The following NUBPL variants were observed in gnomAD, a reference collection of about 807,000 sequenced individuals.
NUBPL encodes the protein NUBP iron-sulfur cluster assembly factor, mitochondrial.
In NUBPL, 31 loss-of-function variants were observed where a neutral mutation model predicts 45.7. That is an observed-to-expected ratio of 0.68 (90% CI 0.51 to 0.92). The LOEUF (loss-of-function observed/expected upper bound fraction) is 0.92, where lower values mean the gene tolerates loss of function less well. Among genes scored for constraint, NUBPL ranks in the 40% least tolerant of loss-of-function variants. The probability of loss-of-function intolerance (pLI) is 0.00; values close to 1 mark genes in which losing one functional copy is unlikely to be tolerated. For synonymous variants in NUBPL, 144 were observed against 140.9 expected (o/e 1.02, Z -0.15); for missense variants, 401 against 398.7 (o/e 1.01, Z -0.05).
At chr14:31,619,228 C>G (rs1394141152) in intron 4 of NUBPL, among the ~76,000 whole-genome samples, 2 of 152,236 alleles carry the variant, frequency 1.3e-5, no homozygotes, top group East Asian at 1.9e-4. Flanking sequence ...TGGGTCTTGA[C>G]TCTTTATCCA....
At chr14:31,825,630 CT>C (rs2040085318) in intron 7 of NUBPL, among the ~76,000 whole-genome samples, 3 of 126,862 alleles carry the variant, frequency 2.4e-5, no homozygotes, top group African/African-American at 3.6e-5. Flanking sequence ...CCTCCTCCTC[CT>C]CCTCCCCTCT....
chr14:31,826,910 A>G (rs2040115231), intron 8 of NUBPL, among the ~76,000 whole-genome samples, 196 bp downstream of exon 8: 1 of 152,238 alleles, frequency 6.6e-6, no homozygotes, highest in Non-Finnish European at 1.5e-5. Context: ...ATCCATAAGA[A>G]TTGTAAAACA....
chr14:31,670,355 A>G lies in NUBPL; in HGVS notation c.383-3000A>G, dbSNP rs145833922. Reference sequence around the variant, plus strand: ...TTTCTCTTCTAAATTTAACTTCCTTATAGAGGCTTGATATCGGACCTTTGT... The same window carrying G: ...TTTCTCTTCTAAATTTAACTTCCTTGTAGAGGCTTGATATCGGACCTTTGT... On this transcript the variant is annotated intron_variant, in intron 4 of 10. Coordinates refer to ENST00000281081, the MANE Select transcript of NUBPL (RefSeq NM_025152.3). Among the ~76,000 whole-genome samples the G allele has an allele frequency of 2.1e-3, 320 of 152,102 alleles. 1 individual carries two copies. The highest frequency in any genetic ancestry group is 7.3e-3 in the African/African-American group (305 of 41,504).
intron 10 of NUBPL, among the ~76,000 whole-genome samples, chr14:31,851,834 A>G (rs1351180847): frequency 6.6e-6 from 1 of 152,152 alleles, no homozygotes; most frequent in African/African-American, 2.4e-5. Flanking sequence ...AATAAGAATA[A>G]TTTCTTATCA....
At chr14:31,776,798 C>T (rs967243279) in intron 6 of NUBPL, among the ~76,000 whole-genome samples, 20 of 152,198 alleles carry the variant, frequency 1.3e-4, no homozygotes, top group Non-Finnish European at 2.5e-4. Flanking sequence ...GTGACAACCA[C>T]TCTAGCTAGT....
chr14:31,854,804 A>G (rs1289750536), intron 10 of NUBPL, among the ~76,000 whole-genome samples: 2 of 152,172 alleles, frequency 1.3e-5, no homozygotes, highest in Non-Finnish European at 2.9e-5. Context: ...ATTACACACC[A>G]CAGATTTCCC....
chr14:31,689,436 T>C (rs982662400), intron 6 of NUBPL, among the ~76,000 whole-genome samples: 1 of 152,268 alleles, frequency 6.6e-6, no homozygotes, highest in African/African-American at 2.4e-5. Flanking sequence ...GTTGAGCTTT[T>C]ATTCATATGC....
chr14:31,604,714 G>C (rs1566441945), intron 4 of NUBPL, among the ~76,000 whole-genome samples: 2 of 152,166 alleles, frequency 1.3e-5, no homozygotes, highest in East Asian at 1.9e-4. Flanking sequence ...TTGGGAGGGT[G>C]GGGGGAATTG....
At chr14:31,774,607 CA>C (rs2039066633) in intron 6 of NUBPL, among the ~76,000 whole-genome samples, 1 of 152,092 alleles carries the variant, frequency 6.6e-6, no homozygotes, top group Admixed American at 6.5e-5. Context: ...CTTATCTGCC[CA>C]AATATAAAAT....
chr14:31,710,875 T>C (rs2139923001), intron 6 of NUBPL, among the ~76,000 whole-genome samples: 2 of 152,270 alleles, frequency 1.3e-5, no homozygotes, highest in East Asian at 3.9e-4. Flanking sequence ...AATGGGGCTT[T>C]GGGAAAAATT....
chr14:31,669,308 C>T (rs2139798842), intron 4 of NUBPL, among the ~76,000 whole-genome samples: 1 of 152,228 alleles, frequency 6.6e-6, no homozygotes, highest in Admixed American at 6.5e-5. Flanking sequence ...GTTGTGGGAA[C>T]ATTTAAAATA....
intron 6 of NUBPL, among the ~76,000 whole-genome samples, chr14:31,741,014 C>T (rs2038271717): frequency 6.6e-6 from 1 of 152,148 alleles, no homozygotes; most frequent in South Asian, 2.1e-4. Context: ...TTTTTGCACA[C>T]TGTTTACTTT....
chr14:31,593,609 A>G (rs2034207439), intron 3 of NUBPL, among the ~76,000 whole-genome samples: 1 of 151,864 alleles, frequency 6.6e-6, no homozygotes, highest in Non-Finnish European at 1.5e-5. Context: ...AGACAACTGT[A>G]TATAATATGT....
intron 6 of NUBPL, among the ~76,000 whole-genome samples, chr14:31,770,967 G>A (rs929467907): frequency 6.6e-6 from 1 of 152,078 alleles, no homozygotes; most frequent in African/African-American, 2.4e-5. Flanking sequence ...TATCTATTGA[G>A]TCAGTTTCAA....
chr14:31,569,345 C>T (rs549978083), intron 3 of NUBPL, among the ~76,000 whole-genome samples: 5 of 152,080 alleles, frequency 3.3e-5, no homozygotes, highest in South Asian at 2.1e-4. Context: ...TACAGGTGCC[C>T]GCCACAACAC....
Position 31,853,948 on chromosome 14 carries a change from A to G in NUBPL, c.897+3747A>G, listed in dbSNP as rs546707733. Among the ~76,000 whole-genome samples the G allele has an allele frequency of 2.0e-5, 3 of 152,334 alleles. No individual in the cohort carries two copies. The South Asian group carries it at 6.2e-4, about 32-fold the overall frequency. ...ATTAAGACCAGAATACAAGGAATGG[A>G]CCTGTGATTAGCTGATAACATTGTG... On this transcript the variant is annotated intron_variant, in intron 10 of 10. Coordinates refer to ENST00000281081, the MANE Select transcript of NUBPL (RefSeq NM_025152.3).
intron 6 of NUBPL, among the ~76,000 whole-genome samples, chr14:31,720,223 A>G (rs976367117): frequency 4.6e-5 from 7 of 152,202 alleles, no homozygotes; most frequent in Admixed American, 1.3e-4. Context: ...CATTCTCGCT[A>G]TAATTGCAGT....
chr14:31,660,111 C>T (rs534836904), intron 4 of NUBPL, among the ~76,000 whole-genome samples: 1 of 152,172 alleles, frequency 6.6e-6, no homozygotes, highest in Non-Finnish European at 1.5e-5. Flanking sequence ...CTCAAATTTT[C>T]TGCTTCCTCC....
intron 6 of NUBPL, among the ~76,000 whole-genome samples, chr14:31,698,940 C>T (rs1407089654): frequency 4.6e-5 from 7 of 151,850 alleles, no homozygotes; most frequent in South Asian, 2.1e-4. Context: ...CTGCAACCTC[C>T]GCCTCCTGGG....
Sources: allele counts gnomAD v4.1 joint callset (sites outside exome capture counted in the v4.1 genomes callset), GRCh38; gene constraint gnomAD v4.1.1; transcripts MANE v1.5; gene names NCBI Gene and HGNC (gene_info 2026-07-23, HGNC 2026-07-21).